Variants in VPS39 observed in about 807,000 individuals in gnomAD.
The protein encoded by VPS39 is vam6/Vps39-like protein.
In VPS39, 70 loss-of-function variants were observed where a neutral mutation model predicts 121.0. The ratio of observed to expected loss-of-function variants is 0.58; its 90% CI spans 0.48 to 0.71. VPS39 has a LOEUF of 0.71. Ranked by LOEUF, VPS39 falls within the 30% of genes least tolerant of loss-of-function variation. The probability of loss-of-function intolerance (pLI) is 0.00; values close to 1 mark genes in which losing one functional copy is unlikely to be tolerated. For synonymous variants in VPS39, 378 were observed against 398.1 expected (o/e 0.95, Z 0.60); for missense variants, 818 against 1,051.5 (o/e 0.78, Z 3.07).
At position 42,187,900 on chromosome 15, in the gene VPS39, TCTAA is replaced by T. The variant is rs745547273; in HGVS notation, c.343-48_343-45del. On this transcript the variant is annotated intron_variant, in intron 5 of 24. Transcript: ENST00000318006. ...AGCAAATGAAAATACAATGACTCTCTCTAACTGAGTGATAACTAAATTAGAGATT... is the reference window on the plus strand; with the variant it reads ...AGCAAATGAAAATACAATGACTCTCTCTGAGTGATAACTAAATTAGAGATT... The T allele has an allele frequency of 7.1e-6, 11 of 1,550,046 alleles. No individual in the cohort carries two copies. The South Asian group carries it at 7.8e-5, about 11-fold the overall frequency.
At chr15:42,160,956 A>C in intron 24 of VPS39, 127 bp from the exon 25 acceptor site, 2 of 873,878 alleles carry the variant, frequency 2.3e-6, no homozygotes, top group Non-Finnish European at 3.7e-6. Flanking sequence ...CCCAAACCTC[A>C]AAGAACAGCC....
chr15:42,205,321 T>C (rs1446489719), intron 1 of VPS39, among the ~76,000 whole-genome samples: 1 of 152,098 alleles, frequency 6.6e-6, no homozygotes, highest in Non-Finnish European at 1.5e-5. Context: ...AAACAGCACA[T>C]TGGTGGATGT....
Position 42,187,827 on chromosome 15 carries a change from C to T in VPS39, c.372G>A (p.Arg124=), listed in dbSNP as rs746537627. The T allele has an allele frequency of 2.5e-6, 4 of 1,614,170 alleles. No individual in the cohort carries two copies. The highest frequency in any genetic ancestry group is 1.1e-5 in the South Asian group (1 of 91,080). Residue 124 remains arginine, a synonymous_variant, in exon 6 of 25, where the codon CGG becomes CGA. Coordinates refer to ENST00000318006, the MANE Select transcript of VPS39 (RefSeq NM_015289.5). ...GCTTCTTTTTTACTGCCACACACATCCGTAACACCTCCTCACCGGTCTCTG... is the reference window on the plus strand; with the variant it reads ...GCTTCTTTTTTACTGCCACACACATTCGTAACACCTCCTCACCGGTCTCTG... ...QHTETGEEVL[R]MCVAVKKKLQ...
At chr15:42,198,366 T>G (rs114967117) in intron 2 of VPS39, among the ~76,000 whole-genome samples, 2 of 151,782 alleles carry the variant, frequency 1.3e-5, no homozygotes, top group Non-Finnish European at 1.5e-5. Context: ...AAAAAAGAAA[T>G]TTTTTTTTGA....
chr15:42,188,211 T>C (rs598441), intron 5 of VPS39, among the ~76,000 whole-genome samples: 22,936 of 152,116 alleles, frequency 0.15, 2,364 homozygotes, highest in African/African-American at 0.27. Flanking sequence ...CATGCTGGGT[T>C]AAGGGTGACC....
At chr15:42,187,071 T>C (rs1351973242) in intron 7 of VPS39, among the ~76,000 whole-genome samples, 200 bp downstream of exon 7, 1 of 152,210 alleles carries the variant, frequency 6.6e-6, no homozygotes, top group Non-Finnish European at 1.5e-5. Context: ...GAACTGAGCG[T>C]TGACTCTTGG....
chr15:42,205,712 C>T (rs1381911603), intron 1 of VPS39, among the ~76,000 whole-genome samples: 1 of 152,070 alleles, frequency 6.6e-6, no homozygotes, highest in Non-Finnish European at 1.5e-5. Flanking sequence ...TTTCACTCTA[C>T]CTGGTAGACA....
intron 1 of VPS39, among the ~76,000 whole-genome samples, chr15:42,201,615 G>A (rs2050071317): frequency 6.6e-6 from 1 of 152,196 alleles, no homozygotes; most frequent in Non-Finnish European, 1.5e-5. Flanking sequence ...AGTAGGCCCA[G>A]GAATTTTCAT....
Position 42,178,178 on chromosome 15 carries a change from G to A in VPS39, c.960+40C>T, listed in dbSNP as rs375354594. On this transcript the variant is annotated intron_variant, in intron 10 of 24. Coordinates refer to ENST00000318006, the MANE Select transcript of VPS39 (RefSeq NM_015289.5). The stretch of plus-strand genomic sequence containing the variant: ...TGAAACCCAAATCACCTACTTTCAA[G>A]AACAATAAGGAAGGAAGACTAGTCA... 8.9e-5 allele frequency: 144 copies of A among 1,610,008 alleles called. No individual in the cohort carries two copies. The African/African-American group carries it at 1.7e-3, about 19-fold the overall frequency.
intron 12 of VPS39, among the ~76,000 whole-genome samples, chr15:42,169,236 A>T (rs2049301935): frequency 6.6e-6 from 1 of 152,212 alleles, no homozygotes; most frequent in Non-Finnish European, 1.5e-5. Flanking sequence ...AAGTAAATAA[A>T]CAAAAGCTAA....
Position 42,189,112 on chromosome 15 carries a change from A to T in VPS39, c.342+2T>A, listed in dbSNP as rs746330323. On this transcript the variant is annotated splice_donor_variant, in intron 5 of 24. Transcript: ENST00000318006. LOFTEE classifies it high-confidence loss of function. ...GCCAAATTTCATCTTGGGTAAACTTACCTGGAGGTCACAAGTAAACAGTGA... is the reference window on the plus strand; with the variant it reads ...GCCAAATTTCATCTTGGGTAAACTTTCCTGGAGGTCACAAGTAAACAGTGA... 14 of 1,612,648 alleles carry T rather than the reference A, an allele frequency of 8.7e-6. No homozygotes were observed. Among genetic ancestry groups the T allele is most frequent in the Non-Finnish European group, 8.5e-7 (1 of 1,178,776 alleles).
chr15:42,171,955 G>A (rs1217317925), intron 11 of VPS39, among the ~76,000 whole-genome samples: 1 of 152,160 alleles, frequency 6.6e-6, no homozygotes, highest in Non-Finnish European at 1.5e-5. Flanking sequence ...CCCTAGTAGA[G>A]TCTGGGGGTC....
rs2049079702 is a variant in VPS39 at position 42,159,148 on chromosome 15, G to A, written c.*1606C>T. The A allele has an allele frequency of 6.6e-6, 1 of 152,264 alleles. No individual in the cohort carries two copies. 9.4% of individuals were successfully genotyped at this position (152,264 alleles called of 1,614,324 possible). On this transcript the variant is annotated 3_prime_UTR_variant, in exon 25 of 25. Transcript: ENST00000318006. ...CCGAACTCTGGTGAAGGGCTGCCCA[G>A]CCTCACAGGCCTGAGCAGAGTCTCC...
At chr15:42,183,368 C>T (rs1464671761) in intron 8 of VPS39, among the ~76,000 whole-genome samples, 1 of 151,998 alleles carries the variant, frequency 6.6e-6, no homozygotes, top group Non-Finnish European at 1.5e-5. Context: ...TCCCAAAGTG[C>T]TAGGATTACA....
intron 8 of VPS39, chr15:42,184,141 C>T (rs1444905630): frequency 6.5e-6 from 1 of 152,698 alleles, no homozygotes; most frequent in East Asian, 1.9e-4. Context: ...TGGAATTACT[C>T]ATACTATAGG....
intron 8 of VPS39, among the ~76,000 whole-genome samples, chr15:42,180,321 C>A (rs924054894): frequency 1.3e-5 from 2 of 152,178 alleles, no homozygotes; most frequent in African/African-American, 4.8e-5. Context: ...CAAATTTACC[C>A]TTCTGATCCA....
intron 15 of VPS39, 114 bp from the exon 16 acceptor site, chr15:42,166,346 A>T: frequency 8.1e-7 from 1 of 1,234,744 alleles, no homozygotes; most frequent in Non-Finnish European, 1.2e-6. Context: ...CAGCTCAAGC[A>T]TGAGCCACTT....
chr15:42,164,959 G>A (rs1475645121), intron 18 of VPS39, 37 bp downstream of exon 18: 1 of 1,613,568 alleles, frequency 6.2e-7, no homozygotes. Context: ...TCTCCTCTAA[G>A]GCCTGGGGCC....
In VPS39 at chr15:42,201,862, C is replaced by A. The variant is rs538439257; in HGVS notation, c.74-1901G>T. Among the ~76,000 whole-genome samples the A allele has an allele frequency of 4.0e-4, 61 of 152,300 alleles. No homozygotes were observed. The South Asian group carries it at 0.012, about 31-fold the overall frequency. Reference sequence around the variant, plus strand: ...ATTCTTGACCTCTGTAAAATAAAATCTTGGATAATGGTACAAATAGATAAC... The same window carrying A: ...ATTCTTGACCTCTGTAAAATAAAATATTGGATAATGGTACAAATAGATAAC... On this transcript the variant is annotated intron_variant, in intron 1 of 24. Coordinates refer to ENST00000318006, the MANE Select transcript of VPS39 (RefSeq NM_015289.5).
Sources: gnomAD v4.1 joint callset for allele counts (sites outside exome capture counted in the v4.1 genomes callset) on GRCh38, gnomAD v4.1.1 for gene constraint, MANE v1.5 for transcripts, NCBI Gene and HGNC (gene_info 2026-07-23, HGNC 2026-07-21) for gene names.